The following SLC14A2 variants were observed in gnomAD, a reference collection of about 807,000 sequenced individuals.
The protein encoded by SLC14A2 is urea transporter 2.
In SLC14A2, 91 loss-of-function variants were observed where a neutral mutation model predicts 104.6. The ratio of observed to expected loss-of-function variants is 0.87; its 90% CI spans 0.73 to 1.04. The LOEUF (loss-of-function observed/expected upper bound fraction) is 1.04, where lower values mean the gene tolerates loss of function less well. Ranked by LOEUF, SLC14A2 falls within the 50% of genes least tolerant of loss-of-function variation. SLC14A2 has a pLI of 0.00. For synonymous variants in SLC14A2, 476 were observed against 466.4 expected, an observed-to-expected ratio of 1.02 and a Z score of -0.27; for missense variants, 1,189 against 1,156.0, an observed-to-expected ratio of 1.03 and a Z score of -0.41.
intron 1 of SLC14A2, among the ~76,000 whole-genome samples, chr18:45,220,935 A>G (rs1035786255): frequency 6.6e-6 from 1 of 152,174 alleles, no homozygotes; most frequent in African/African-American, 2.4e-5. Context: ...CTGTGTATGT[A>G]CATTCCTGGT....
At chr18:45,611,535 C>T (rs2044971635), upstream of SLC14A2, among the ~76,000 whole-genome samples, 3 of 152,314 alleles carry the variant, frequency 2.0e-5, no homozygotes, top group Admixed American at 6.5e-5. Context: ...CACCATGGCA[C>T]AGCACCTGAA....
chr18:45,456,351 A>C (rs1198383454), intron 1 of SLC14A2, among the ~76,000 whole-genome samples: 1 of 152,230 alleles, frequency 6.6e-6, no homozygotes, highest in Non-Finnish European at 1.5e-5. Context: ...CTGCAGAGTC[A>C]GTGCCCCCAG....
chr18:45,490,694 T>G (rs2042981463), intron 2 of SLC14A2, among the ~76,000 whole-genome samples: 1 of 152,152 alleles, frequency 6.6e-6, no homozygotes, highest in South Asian at 2.1e-4. Flanking sequence ...GGAGGAGAAG[T>G]TTGCAATGCA....
chr18:45,659,821 A>T (rs1250967986), intron 10 of SLC14A2, among the ~76,000 whole-genome samples: 1 of 152,190 alleles, frequency 6.6e-6, no homozygotes, highest in Non-Finnish European at 1.5e-5. Flanking sequence ...TGTCCATTAT[A>T]CTAGTCAGAA....
At chr18:45,663,362 T>C in intron 10 of SLC14A2, among the ~76,000 whole-genome samples, 1 of 152,184 alleles carries the variant, frequency 6.6e-6, no homozygotes, top group East Asian at 1.9e-4. Flanking sequence ...TTTAAACTGG[T>C]CTGAGGTGGA....
At chr18:45,495,245 AAAACTT>A (rs2144742322) in intron 2 of SLC14A2, among the ~76,000 whole-genome samples, 1 of 152,350 alleles carries the variant, frequency 6.6e-6, no homozygotes. Context: ...ACAACCACAA[AAAACTT>A]GGACATGTGG....
At chr18:45,218,854 C>T (rs1379581972) in intron 1 of SLC14A2, among the ~76,000 whole-genome samples, 1 of 151,040 alleles carries the variant, frequency 6.6e-6, no homozygotes, top group Non-Finnish European at 1.5e-5. Flanking sequence ...TGCAGGTCCT[C>T]TTGGTCCACA....
intron 2 of SLC14A2, among the ~76,000 whole-genome samples, chr18:45,490,801 A>G (rs886162153): frequency 1.3e-5 from 2 of 152,244 alleles, no homozygotes; most frequent in Non-Finnish European, 2.9e-5. Context: ...GCCCAACAGA[A>G]AAACAAAATA....
At chr18:45,679,495 G>A (rs575621872) in intron 19 of SLC14A2, among the ~76,000 whole-genome samples, 130 of 152,302 alleles carry the variant, frequency 8.5e-4, no homozygotes, top group African/African-American at 3.0e-3. Context: ...GCCACAGTCT[G>A]GGAACCCCTT....
chr18:45,201,189 G>T, the SLC14A2 span, among the ~76,000 whole-genome samples: 2 of 151,960 alleles, frequency 1.3e-5, no homozygotes, highest in African/African-American at 4.8e-5. Context: ...ATACAAAAAG[G>T]TGATATCATT....
At chr18:45,256,195 A>G (rs577821089) in intron 1 of SLC14A2, among the ~76,000 whole-genome samples, 3 of 152,258 alleles carry the variant, frequency 2.0e-5, no homozygotes, top group South Asian at 4.2e-4. Flanking sequence ...GGTAGAGGAA[A>G]GAGGAGAAAA....
chr18:45,603,752 T>C (rs921114692), intron 2 of SLC14A2, among the ~76,000 whole-genome samples: 2 of 152,164 alleles, frequency 1.3e-5, no homozygotes, highest in African/African-American at 4.8e-5. Context: ...TAAAGAGTCA[T>C]TGACTTGATG....
At chr18:45,440,219 T>TTG (rs1003814312) in intron 1 of SLC14A2, among the ~76,000 whole-genome samples, 3 of 30,520 alleles carry the variant, frequency 9.8e-5, no homozygotes, top group Non-Finnish European at 2.3e-4. Context: ...ATTTTTCAAG[T>TTG]TTTTTTTTTT....
chr18:45,474,477 G>C (rs1327416183), intron 1 of SLC14A2, among the ~76,000 whole-genome samples: 1 of 152,132 alleles, frequency 6.6e-6, no homozygotes, highest in African/African-American at 2.4e-5. Flanking sequence ...TGTACCTCTG[G>C]TATAATTTAG....
At chr18:45,456,818 T>C (rs1205509012) in intron 1 of SLC14A2, among the ~76,000 whole-genome samples, 2 of 151,200 alleles carry the variant, frequency 1.3e-5, no homozygotes, top group Admixed American at 6.6e-5. Flanking sequence ...CCAAATGATA[T>C]ACTCTCTTCC....
chr18:45,240,637 T>G (rs905897282), intron 1 of SLC14A2, among the ~76,000 whole-genome samples: 3 of 149,350 alleles, frequency 2.0e-5, no homozygotes, highest in East Asian at 3.9e-4. Flanking sequence ...AGTGTTTTTT[T>G]TTTGTTTTTT....
intron 1 of SLC14A2, among the ~76,000 whole-genome samples, chr18:45,341,245 A>G (rs2085390573): frequency 6.6e-6 from 1 of 151,730 alleles, no homozygotes; most frequent in Admixed American, 6.6e-5. Context: ...TAAAGCAAAA[A>G]ATTAACAAAC....
At chr18:45,284,555 C>T (rs952976535) in intron 1 of SLC14A2, among the ~76,000 whole-genome samples, 5 of 152,180 alleles carry the variant, frequency 3.3e-5, no homozygotes, top group African/African-American at 9.7e-5. Flanking sequence ...CTACCTCCTC[C>T]ATTCATCCTT....
At chr18:45,319,808 A>C (rs2085167086) in intron 1 of SLC14A2, among the ~76,000 whole-genome samples, 1 of 152,368 alleles carries the variant, frequency 6.6e-6, no homozygotes, top group African/African-American at 2.4e-5. Context: ...AGTTGTAGAT[A>C]AATGGCTTCA....
Sources: allele counts gnomAD v4.1 joint callset (sites outside exome capture counted in the v4.1 genomes callset), GRCh38; gene constraint gnomAD v4.1.1; transcripts MANE v1.5; gene names NCBI Gene and HGNC (gene_info 2026-07-23, HGNC 2026-07-21).